Variants in ELOVL6 observed in about 807,000 individuals in gnomAD.
ELOVL6 encodes the protein ELOVL fatty acid elongase 6.
ELOVL6 carries 8 observed loss-of-function variants against 31.7 expected under a neutral mutation model. That is an observed-to-expected ratio of 0.25 (90% CI 0.15 to 0.45). The LOEUF is 0.45. Among genes scored for constraint, ELOVL6 ranks in the 20% least tolerant of loss-of-function variants. The pLI, the probability that ELOVL6 is intolerant of heterozygous loss-of-function variation, is 1.00. For synonymous variants in ELOVL6, 101 were observed against 117.7 expected, an observed-to-expected ratio of 0.86 and a Z score of 0.92; for missense variants, 126 against 326.4, an observed-to-expected ratio of 0.39 and a Z score of 4.73.
chr4:110,073,982 T>A (rs1412291631), intron 2 of ELOVL6, among the ~76,000 whole-genome samples: 1 of 152,150 alleles, frequency 6.6e-6, no homozygotes, highest in Non-Finnish European at 1.5e-5. Context: ...ATTCCTCAAT[T>A]AGATATTAGG....
intron 1 of ELOVL6, among the ~76,000 whole-genome samples, chr4:110,132,708 T>C (rs1422274135): frequency 6.6e-6 from 1 of 151,902 alleles, no homozygotes; most frequent in Non-Finnish European, 1.5e-5. Flanking sequence ...AGTGTGGTCG[T>C]GTGTGGCTGT....
chr4:110,145,543 A>C (rs1282363912), intron 1 of ELOVL6, among the ~76,000 whole-genome samples: 2 of 152,300 alleles, frequency 1.3e-5, no homozygotes, highest in East Asian at 3.9e-4. Flanking sequence ...AAAGACAATT[A>C]CTACAGACAG....
At chr4:110,098,335 C>T (rs1301889864) in intron 2 of ELOVL6, among the ~76,000 whole-genome samples, 1 of 152,154 alleles carries the variant, frequency 6.6e-6, no homozygotes, top group Non-Finnish European at 1.5e-5. Context: ...TATGCACCAC[C>T]AGTATGACCT....
chr4:110,192,730 A>G (rs781351783), intron 1 of ELOVL6, among the ~76,000 whole-genome samples: 1 of 152,094 alleles, frequency 6.6e-6, no homozygotes, highest in Non-Finnish European at 1.5e-5. Flanking sequence ...ATTTTCTAGG[A>G]CCCCACACAG....
intron 1 of ELOVL6, among the ~76,000 whole-genome samples, chr4:110,157,348 G>T (rs1334437314): frequency 6.6e-6 from 1 of 152,108 alleles, no homozygotes; most frequent in Non-Finnish European, 1.5e-5. Context: ...TTAGAGGGAG[G>T]GAAAAGAAGT....
intron 1 of ELOVL6, among the ~76,000 whole-genome samples, chr4:110,141,656 A>AGT (rs1757960763): frequency 6.7e-6 from 1 of 149,048 alleles, no homozygotes; most frequent in African/African-American, 2.5e-5. Context: ...GTATTGTATT[A>AGT]GTATATATAT....
At chr4:110,092,257 GAC>G (rs1298874337) in intron 2 of ELOVL6, among the ~76,000 whole-genome samples, 1 of 152,094 alleles carries the variant, frequency 6.6e-6, no homozygotes, top group African/African-American at 2.4e-5. Flanking sequence ...AAAAACAGAT[GAC>G]AGTTACTATT....
intron 1 of ELOVL6, among the ~76,000 whole-genome samples, chr4:110,152,478 T>C (rs1758304495): frequency 6.6e-6 from 1 of 152,250 alleles, no homozygotes; most frequent in African/African-American, 2.4e-5. Flanking sequence ...GTTCTCTCAG[T>C]CACTGAATGA....
intron 2 of ELOVL6, among the ~76,000 whole-genome samples, chr4:110,100,719 T>C (rs1048717463): frequency 6.6e-6 from 1 of 152,252 alleles, no homozygotes; most frequent in African/African-American, 2.4e-5. Context: ...TTACTTCTTC[T>C]GAAATGTTTG....
At chr4:110,084,359 C>T (rs796410719) in intron 2 of ELOVL6, among the ~76,000 whole-genome samples, 5,715 of 36,718 alleles carry the variant, frequency 0.16, 773 homozygotes, top group African/African-American at 0.3. Flanking sequence ...ATGATATATA[C>T]CGCATATATG....
intron 2 of ELOVL6, among the ~76,000 whole-genome samples, chr4:110,104,609 A>G (rs992438128): frequency 6.6e-6 from 1 of 152,234 alleles, no homozygotes; most frequent in African/African-American, 2.4e-5. Flanking sequence ...ATTTATAAAT[A>G]TGAAAATTAA....
At chr4:110,164,748 A>G (rs68144607) in intron 1 of ELOVL6, among the ~76,000 whole-genome samples, 63,194 of 144,506 alleles carry the variant, frequency 0.44, 14,725 homozygotes, top group East Asian at 0.61. Context: ...CAAAAAAAAA[A>G]AAAAAAAGAA....
intron 3 of ELOVL6, among the ~76,000 whole-genome samples, chr4:110,057,708 G>A (rs566101519): frequency 2.0e-5 from 3 of 151,772 alleles, no homozygotes; most frequent in Middle Eastern, 6.8e-3. Context: ...AAAATTAGCC[G>A]GGTGTAGTGG....
intron 1 of ELOVL6, among the ~76,000 whole-genome samples, chr4:110,126,196 G>A (rs573021563): frequency 3.9e-5 from 6 of 151,930 alleles, no homozygotes; most frequent in African/African-American, 9.7e-5. Flanking sequence ...GGCATGTACC[G>A]CCATGCCCAG....
intron 1 of ELOVL6, among the ~76,000 whole-genome samples, chr4:110,162,653 T>G (rs967583145): frequency 3.5e-5 from 5 of 142,642 alleles, no homozygotes; most frequent in Admixed American, 3.4e-4. Flanking sequence ...CCTGAATATA[T>G]AGATATTTTG....
chr4:110,155,139 T>C lies in ELOVL6; in HGVS notation c.89+43108A>G, dbSNP rs377135566. 1.1e-4 allele frequency among the ~76,000 whole-genome samples: 16 copies of C among 152,272 alleles called. No individual in the cohort carries two copies. In the East Asian group the frequency reaches 2.9e-3, roughly 27 times the overall value. ...AGCAAATTTGGGGCATAACTAGTAA[T>C]ATATTTTTTAAACTTCTATGAACAT... On this transcript the variant is annotated intron_variant, in intron 1 of 3. Coordinates refer to ENST00000302274, the MANE Select transcript of ELOVL6 (RefSeq NM_024090.3).
intron 2 of ELOVL6, among the ~76,000 whole-genome samples, chr4:110,068,636 TG>T (rs1755373301): frequency 6.6e-6 from 1 of 152,250 alleles, no homozygotes; most frequent in South Asian, 2.1e-4. Flanking sequence ...TTTAAGGGTC[TG>T]AACGTTTCTT....
At chr4:110,179,808 A>G (rs1378277087) in intron 1 of ELOVL6, among the ~76,000 whole-genome samples, 1 of 152,246 alleles carries the variant, frequency 6.6e-6, no homozygotes, top group Non-Finnish European at 1.5e-5. Flanking sequence ...ATGATAAACT[A>G]TAAACATAAA....
intron 1 of ELOVL6, among the ~76,000 whole-genome samples, chr4:110,169,986 G>C (rs1403810380): frequency 6.6e-6 from 1 of 150,794 alleles, no homozygotes; most frequent in East Asian, 1.9e-4. Context: ...TGTATTTTTA[G>C]TAGAGATGGG....
Sources: allele counts gnomAD v4.1 joint callset (sites outside exome capture counted in the v4.1 genomes callset), GRCh38; gene constraint gnomAD v4.1.1; transcripts MANE v1.5; gene names NCBI Gene and HGNC (gene_info 2026-07-23, HGNC 2026-07-21).